GSE1: variants seen among roughly 807,000 people sequenced by gnomAD.
The protein encoded by GSE1 is genetic suppressor element 1.
GSE1 carries 32 observed loss-of-function variants against 112.6 expected under a neutral mutation model. The observed-to-expected ratio is 0.28, with a 90% confidence interval of 0.21 to 0.38. GSE1 has a LOEUF of 0.38. Among genes scored for constraint, GSE1 ranks in the 10% least tolerant of loss-of-function variants. The pLI is 1.00. For synonymous variants in GSE1, 1,115 were observed against 735.6 expected (o/e 1.52, Z -8.35); for missense variants, 2,348 against 1,699.2 (o/e 1.38, Z -6.71).
chr16:85,656,213 C>A, intron 6 of GSE1, 130 bp from the exon 7 acceptor site: 2 of 1,182,318 alleles, frequency 1.7e-6, no homozygotes, highest in Non-Finnish European at 1.2e-6. Context: ...CAGTGAAACC[C>A]GGCTCACCTC....
chr16:85,371,605 G>A (rs2047302699), intron 2 of GSE1, among the ~76,000 whole-genome samples: 1 of 152,172 alleles, frequency 6.6e-6, no homozygotes. Flanking sequence ...GGCACTCCCT[G>A]GGCACATCCC....
intron 1 of GSE1, among the ~76,000 whole-genome samples, chr16:85,175,622 T>C (rs985549352): frequency 6.6e-6 from 1 of 152,212 alleles, no homozygotes; most frequent in Non-Finnish European, 1.5e-5. Flanking sequence ...GATTGCAGCC[T>C]CTGCCTGCTG....
chr16:85,391,618 A>G (rs539149684), intron 2 of GSE1, among the ~76,000 whole-genome samples: 2 of 152,294 alleles, frequency 1.3e-5, no homozygotes, highest in Non-Finnish European at 2.9e-5. Context: ...CTCTTTTTAT[A>G]AGGACGCAGG....
intron 3 of GSE1, among the ~76,000 whole-genome samples, chr16:85,649,254 C>T (rs1196232453): frequency 2.0e-5 from 3 of 152,144 alleles, no homozygotes; most frequent in African/African-American, 7.2e-5. Context: ...GTTCTGAGGC[C>T]CTGGGCATCA....
intron 2 of GSE1, among the ~76,000 whole-genome samples, chr16:85,379,512 T>C (rs1208649128): frequency 1.3e-5 from 2 of 152,204 alleles, no homozygotes; most frequent in African/African-American, 4.8e-5. Flanking sequence ...CTTCCATGTA[T>C]TGGTTCCTTC....
At position 85,663,501 on chromosome 16, in the gene GSE1, C is replaced by G. The variant is rs149550163; in HGVS notation, c.2531C>G (p.Ala844Gly). The G allele has an allele frequency of 6.2e-7, 1 of 1,613,874 alleles. No homozygotes were observed. The highest frequency in any genetic ancestry group is 1.7e-5 in the Admixed American group (1 of 60,026). ...CGGCAGACGCCTTCACCGAGACTGG[C>G]GCTGTCTACCCGCTACAGCCCTGAT... ...SKRQTPSPRL[A>G]LSTRYSPDEM... Residue 844 changes from alanine (A) to glycine (G), a missense_variant, in exon 11 of 16, where the codon GCG (alanine) becomes GGG (glycine). Transcript: ENST00000253458.
At chr16:85,443,485 T>C (rs373551806) in intron 2 of GSE1, among the ~76,000 whole-genome samples, 3 of 152,370 alleles carry the variant, frequency 2.0e-5, no homozygotes, top group African/African-American at 7.2e-5. Context: ...AGGAAATGGA[T>C]GGAAGGCGCT....
At chr16:85,226,169 G>C (rs1471698132) in intron 1 of GSE1, among the ~76,000 whole-genome samples, 1 of 152,224 alleles carries the variant, frequency 6.6e-6, no homozygotes, top group Non-Finnish European at 1.5e-5. Flanking sequence ...AGGCACGTCA[G>C]AGGATCCATG....
chr16:85,514,180 TC>T lies in GSE1; in HGVS notation c.2465-119728del, dbSNP rs1249783575. ...CCCTGCTCTCTTTCTCCTCTTATCT[TC>T]CCCCCTCCCCTCTCTTCCTCCTCTT... On this transcript the variant is annotated intron_variant, in intron 2 of 2. Transcript: ENST00000637419. Among the ~76,000 whole-genome samples, 356 of 146,122 alleles carry T rather than the reference TC, an allele frequency of 2.4e-3. 1 individual carries two copies. Among genetic ancestry groups the T allele is most frequent in the African/African-American group, 8.9e-3 (337 of 38,010 alleles).
chr16:85,652,756 CA>C (rs201481465), intron 3 of GSE1, among the ~76,000 whole-genome samples: 2,949 of 152,246 alleles, frequency 0.019, 78 homozygotes, highest in South Asian at 0.068. Context: ...CCCTGGGAGA[CA>C]GATGCTTCTC....
intron 1 of GSE1, among the ~76,000 whole-genome samples, chr16:85,557,447 G>C (rs2045290469): frequency 6.6e-6 from 1 of 152,186 alleles, no homozygotes; most frequent in Admixed American, 6.5e-5. Context: ...GAGGAGAGGG[G>C]AAGTTCCTAG....
intron 2 of GSE1, among the ~76,000 whole-genome samples, chr16:85,387,117 T>C (rs1040851437): frequency 9.9e-5 from 15 of 152,180 alleles, no homozygotes; most frequent in Admixed American, 7.9e-4. Context: ...CCGTGGTTTC[T>C]AGATGGCCCT....
chr16:85,553,049 C>T (rs1027617414), upstream of GSE1, among the ~76,000 whole-genome samples: 3 of 149,924 alleles, frequency 2.0e-5, no homozygotes, highest in African/African-American at 7.3e-5. Context: ...AAATAGTTTT[C>T]TTTTTTTTTT....
At chr16:85,609,885 G>A (rs183359814), upstream of GSE1, among the ~76,000 whole-genome samples, 22 of 152,300 alleles carry the variant, frequency 1.4e-4, no homozygotes, top group African/African-American at 5.3e-4. Context: ...TCGAACTCCT[G>A]ATCTCAAGCA....
intron 1 of GSE1, among the ~76,000 whole-genome samples, chr16:85,264,842 G>A (rs566478383): frequency 6.6e-6 from 1 of 152,312 alleles, no homozygotes; most frequent in Non-Finnish European, 1.5e-5. Context: ...AGGGGGTTGG[G>A]CTGAGTCCTC....
chr16:85,302,781 G>A (rs952032506), intron 1 of GSE1, among the ~76,000 whole-genome samples: 1 of 152,214 alleles, frequency 6.6e-6, no homozygotes, highest in Non-Finnish European at 1.5e-5. Context: ...TCAATTCTTG[G>A]CCTTGGCCTT....
chr16:85,411,759 C>CACTCAGGGCCCCCCTGGATAATCCTCACT (rs2048559116), intron 2 of GSE1, among the ~76,000 whole-genome samples: 1 of 5,298 alleles, frequency 1.9e-4, no homozygotes, highest in African/African-American at 6.0e-4. Flanking sequence ...TAATCCTCAC[C>CACTCAGGGCCCCCCTGGATAATCCTCACT]GTTACACTCA....
intron 2 of GSE1, among the ~76,000 whole-genome samples, chr16:85,507,882 T>C (rs191497338): frequency 7.1e-4 from 108 of 152,308 alleles, no homozygotes; most frequent in South Asian, 1.7e-3. Flanking sequence ...GTCATATTCA[T>C]CAGAAGAGTT....
chr16:85,383,693 T>C (rs1374586386), intron 2 of GSE1, among the ~76,000 whole-genome samples: 1 of 152,048 alleles, frequency 6.6e-6, no homozygotes, highest in African/African-American at 2.4e-5. Context: ...TCTGTCCACT[T>C]GGGGAGGGGA....
Sources: gnomAD v4.1 joint callset for allele counts (sites outside exome capture counted in the v4.1 genomes callset) on GRCh38, gnomAD v4.1.1 for gene constraint, MANE v1.5 for transcripts, NCBI Gene and HGNC (gene_info 2026-07-23, HGNC 2026-07-21) for gene names.